PCDHGB5: variants seen among roughly 807,000 people sequenced by gnomAD.
PCDHGB5 encodes protocadherin gamma subfamily B, 5.
A neutral mutation model predicts 62.9 loss-of-function variants in PCDHGB5; 48 were observed. That is an observed-to-expected ratio of 0.76 (90% CI 0.61 to 0.97). The LOEUF (loss-of-function observed/expected upper bound fraction) is 0.97, where lower values mean the gene tolerates loss of function less well. PCDHGB5 is among the 50% of genes least tolerant of loss of function. PCDHGB5 has a pLI of 0.00. For synonymous variants in PCDHGB5, 474 were observed against 511.2 expected (o/e 0.93, Z 0.98); for missense variants, 1,118 against 1,198.6 (o/e 0.93, Z 0.99).
At chr5:141,445,020 C>T (rs2098454249) in intron 1 of PCDHGB5, among the ~76,000 whole-genome samples, 1 of 152,130 alleles carries the variant, frequency 6.6e-6, no homozygotes, top group Non-Finnish European at 1.5e-5. Flanking sequence ...TTTAATTTCT[C>T]TCAGCTATGT....
chr5:141,472,542 G>GA (rs904556404), intron 1 of PCDHGB5, among the ~76,000 whole-genome samples: 21 of 147,124 alleles, frequency 1.4e-4, no homozygotes, highest in Admixed American at 7.4e-4. Flanking sequence ...ACCATCTCAA[G>GA]AAAAAAAAAA....
chr5:141,457,708 T>C (rs1160977721), intron 1 of PCDHGB5, among the ~76,000 whole-genome samples: 1 of 152,260 alleles, frequency 6.6e-6, no homozygotes, highest in Admixed American at 6.5e-5. Context: ...GATGAAACAC[T>C]GTTCCACAAG....
In PCDHGB5 at chr5:141,487,822, G is replaced by T. The variant is rs1406642768; in HGVS notation, c.2398-6985G>T. ...TGTCACAGTTTAGCATTGGGGGCGG[G>T]TCATGCCTATATCTGAGTAAGAAAT... On this transcript the variant is annotated intron_variant, in intron 1 of 3. Coordinates refer to ENST00000617380, the MANE Select transcript of PCDHGB5 (RefSeq NM_018925.3). This position sits in a 1 kb window ranked among gnomAD's most constrained non-coding sequence, Gnocchi z 5.0. The T allele has an allele frequency of 3.1e-6, 4 of 1,278,640 alleles. No homozygotes were observed. The East Asian group carries it at 7.6e-5, about 24-fold the overall frequency. 79.2% of individuals were successfully genotyped at this position (1,278,640 alleles called of 1,614,324 possible). A position where few individuals can be genotyped will look rare whatever the true frequency, so the allele number is the denominator to read the frequency against.
intron 1 of PCDHGB5, among the ~76,000 whole-genome samples, chr5:141,480,753 G>A (rs1418880497): frequency 1.3e-5 from 2 of 152,144 alleles, no homozygotes; most frequent in Non-Finnish European, 2.9e-5. Flanking sequence ...ATCATTTTTT[G>A]AAGGTCCCCA....
rs187495695 is a variant in PCDHGB5, at chr5:141,486,508, T to G, written c.2398-8299T>G. The G allele has an allele frequency of 9.3e-6, 15 of 1,614,172 alleles. No homozygotes were observed. In the Admixed American group the frequency reaches 2.5e-4, roughly 27 times the overall value. The stretch of plus-strand genomic sequence containing the variant: ...CCCACAGAACTATTTTCCTCAATAT[T>G]TCAGATGTGAATGATAATCCACCCT... On this transcript the variant is annotated intron_variant, in intron 1 of 3. Coordinates refer to ENST00000617380, the MANE Select transcript of PCDHGB5 (RefSeq NM_018925.3). The surrounding 1 kb of genome is among the most constrained non-coding windows in gnomAD (Gnocchi z 5.0).
At chr5:141,420,453 C>A (rs1026053173) in intron 1 of PCDHGB5, 76 of 977,580 alleles carry the variant, frequency 7.8e-5, no homozygotes, top group Non-Finnish European at 8.8e-5. Context: ...AGTCTTCCTA[C>A]TATTCAAAGA....
rs1444494014 is a variant in PCDHGB5 at position 141,399,780 on chromosome 5, A to G, written c.1653A>G (p.Arg551=). The change falls in exon 1 of 4, where the codon CGA becomes CGG. Residue 551 remains arginine, a synonymous_variant. Transcript: ENST00000617380. ...GCCTGCGCGTGTTGGTGGGCGACCG[A>G]AACGACAACGCACCGCGGGTGCTGT... The part of the protein sequence containing the change: ...NVSLRVLVGD[R]NDNAPRVLYP... 6.2e-7 allele frequency: 1 copy of G among 1,613,288 alleles called. No homozygotes were observed. Among genetic ancestry groups the G allele is most frequent in the Non-Finnish European group, 8.5e-7 (1 of 1,179,762 alleles).
Position 141,492,511 on chromosome 5 carries a change from C to T in PCDHGB5, c.2398-2296C>T, listed in dbSNP as rs58889912. Among the ~76,000 whole-genome samples the T allele has an allele frequency of 1.7e-3, 262 of 152,326 alleles. 2 individuals are homozygous for T. The highest frequency in any genetic ancestry group is 6.0e-3 in the African/African-American group (249 of 41,582). On this transcript the variant is annotated intron_variant, in intron 1 of 3. Coordinates refer to ENST00000617380, the MANE Select transcript of PCDHGB5 (RefSeq NM_018925.3). Reference sequence around the variant, plus strand: ...CCAGGCGAGGACTCCGGAGCCTCCTCTCACCTCTCCCACCTGCGCCCCGGG... The same window carrying T: ...CCAGGCGAGGACTCCGGAGCCTCCTTTCACCTCTCCCACCTGCGCCCCGGG...
At position 141,408,935 on chromosome 5, in the gene PCDHGB5, G is replaced by A. The variant is rs773802276; in HGVS notation, c.2397+8411G>A. 6.8e-6 allele frequency: 11 copies of A among 1,613,590 alleles called. No homozygotes were observed. Among genetic ancestry groups the A allele is most frequent in the Non-Finnish European group, 9.3e-6 (11 of 1,179,752 alleles). ...TGATAACCCCCCGGTTTTCAGCAGAGACGAATATAGAATTAGTCTTAGTGA... is the reference window on the plus strand; with the variant it reads ...TGATAACCCCCCGGTTTTCAGCAGAAACGAATATAGAATTAGTCTTAGTGA... On this transcript the variant is annotated intron_variant, in intron 1 of 3. Coordinates refer to ENST00000617380, the MANE Select transcript of PCDHGB5 (RefSeq NM_018925.3).
chr5:141,417,942 C>A (rs1324501154), intron 1 of PCDHGB5: 19 of 1,613,208 alleles, frequency 1.2e-5, no homozygotes, highest in Non-Finnish European at 1.5e-5. Flanking sequence ...TTCTACCCCA[C>A]GCTGTGTGAG....
intron 2 of PCDHGB5, 99 bp from the exon 3 acceptor site, chr5:141,505,294 G>T: frequency 6.4e-7 from 1 of 1,572,086 alleles, no homozygotes; most frequent in Non-Finnish European, 8.6e-7. Context: ...GCATGGGGTA[G>T]GGTTAGGGTA....
intron 3 of PCDHGB5, among the ~76,000 whole-genome samples, chr5:141,509,338 C>T (rs2099876319): frequency 6.6e-6 from 1 of 152,188 alleles, no homozygotes; most frequent in Admixed American, 6.5e-5. Flanking sequence ...CCAGCTGGGC[C>T]TGGGCTGGCC....
chr5:141,478,092 C>T (rs2099429960), intron 1 of PCDHGB5: 1 of 1,614,156 alleles, frequency 6.2e-7, no homozygotes, highest in Non-Finnish European at 8.5e-7. Flanking sequence ...CTCTCCACCA[C>T]TGCTACCCTC....
In PCDHGB5 at chr5:141,489,423, C is replaced by A. The variant is rs754178145; in HGVS notation, c.2398-5384C>A. 7.4e-6 allele frequency: 12 copies of A among 1,613,982 alleles called. No homozygotes were observed. Among genetic ancestry groups the A allele is most frequent in the Non-Finnish European group, 1.0e-5 (12 of 1,180,044 alleles). On this transcript the variant is annotated intron_variant, in intron 1 of 3. Transcript: ENST00000617380. The surrounding 1 kb of genome is among the most constrained non-coding windows in gnomAD (Gnocchi z 4.5). Reference sequence around the variant, plus strand: ...GCTTAAAGATGACAGATCTGTTGAGCCGGCGGCTGCAATTGGGCTCTGAGG... The same window carrying A: ...GCTTAAAGATGACAGATCTGTTGAGACGGCGGCTGCAATTGGGCTCTGAGG...
chr5:141,505,363 T>A, intron 2 of PCDHGB5, 30 bp from the exon 3 acceptor site: 1 of 1,613,360 alleles, frequency 6.2e-7, no homozygotes, highest in Non-Finnish European at 8.5e-7. Context: ...GGCCTGGGAG[T>A]CTGTGCTCAC....
intron 1 of PCDHGB5, chr5:141,475,966 A>T (rs1252698069): frequency 2.3e-6 from 2 of 888,664 alleles, no homozygotes; most frequent in Admixed American, 5.2e-5. Flanking sequence ...GGGATGAGGC[A>T]GAGACTGAAC....
intron 1 of PCDHGB5, among the ~76,000 whole-genome samples, chr5:141,468,198 G>A (rs992118435): frequency 9.2e-5 from 14 of 151,854 alleles, no homozygotes; most frequent in Admixed American, 7.2e-4. Context: ...GGTGGCGGGT[G>A]CCTGTAATTC....
At chr5:141,481,894 A>G (rs1278425155) in intron 1 of PCDHGB5, among the ~76,000 whole-genome samples, 1 of 145,812 alleles carries the variant, frequency 6.9e-6, no homozygotes, top group Non-Finnish European at 1.5e-5. Flanking sequence ...AGCCTGGGTG[A>G]AAGAGCGAAA....
intron 1 of PCDHGB5, among the ~76,000 whole-genome samples, chr5:141,445,978 TTATAAA>T (rs551337386): frequency 6.6e-6 from 1 of 152,272 alleles, no homozygotes; most frequent in East Asian, 1.9e-4. Context: ...TTTATGAGGG[TTATAAA>T]TAGAAATAGG....
Sources: gnomAD v4.1 joint callset for allele counts (sites outside exome capture counted in the v4.1 genomes callset) on GRCh38, gnomAD v4.1.1 for gene constraint, Gnocchi (gnomAD v3.1) non-coding constraint, MANE v1.5 for transcripts, NCBI Gene and HGNC (gene_info 2026-07-23, HGNC 2026-07-21) for gene names.